REST: variants seen among roughly 807,000 people sequenced by gnomAD.
REST encodes RE1-silencing transcription factor.
In REST, 1 loss-of-function variant was observed where a neutral mutation model predicts 30.4. The ratio of observed to expected loss-of-function variants is 0.03; its 90% confidence interval spans 0.01 to 0.16. The LOEUF (loss-of-function observed/expected upper bound fraction) is 0.16. Ranked by LOEUF, REST falls within the 10% of genes least tolerant of loss-of-function variation. REST has a pLI of 1.00. For missense variants in REST, 1,259 were observed against 1,329.5 expected (o/e 0.95, Z 0.82); for synonymous variants, 504 against 451.1 (o/e 1.12, Z -1.49).
intron 2 of REST, among the ~76,000 whole-genome samples, chr4:56,916,556 G>A (rs1578493657): frequency 6.6e-6 from 1 of 152,166 alleles, no homozygotes; most frequent in East Asian, 1.9e-4. Flanking sequence ...AGAATCACTT[G>A]AACCCAAGAG....
At position 56,929,967 on chromosome 4, in the gene REST, C is replaced by G; in HGVS notation, c.1109C>G (p.Thr370Arg). The change falls in exon 4 of 4, where the codon ACA becomes AGA. Residue 370 changes from threonine (T) to arginine (R), a missense_variant. By Grantham distance (71) the Thr-to-Arg change is moderately conservative. Around this residue, in one of 5 missense-constraint regions of REST, gnomAD observed 125 missense variants for 255.4 expected, o/e 0.49. Transcript: ENST00000309042. Reference sequence around the variant, plus strand: ...AATTGCCCACACTGTGATTACAAAACAGCAGATAGAAGCAACTTCAAAAAA... The same window carrying G: ...AATTGCCCACACTGTGATTACAAAAGAGCAGATAGAAGCAACTTCAAAAAA... ...PLNCPHCDYK[T>R]ADRSNFKKHV... 6.2e-7 allele frequency: 1 copy of G among 1,614,154 alleles called. No homozygotes were observed. Among genetic ancestry groups the G allele is most frequent in the Non-Finnish European group, 8.5e-7 (1 of 1,180,028 alleles).
At position 56,914,294 on chromosome 4, in the gene REST, G is replaced by A. The variant is rs1443252539; in HGVS notation, c.898+2758G>A. Among the ~76,000 whole-genome samples the A allele has an allele frequency of 2.0e-5, 3 of 152,026 alleles. No individual in the cohort carries two copies. In the East Asian group the frequency reaches 5.8e-4, roughly 29 times the overall value. On this transcript the variant is annotated intron_variant, in intron 2 of 3. Transcript: ENST00000309042. The stretch of plus-strand genomic sequence containing the variant: ...TCCCAGATACTTAAAACTATTAACT[G>A]GCAGGCTTAAACAATAAAACTTGCA...
In REST at chr4:56,930,645, C is replaced by T. The variant is rs372976455; in HGVS notation, c.1787C>T (p.Pro596Leu). The T allele has an allele frequency of 6.2e-7, 1 of 1,613,572 alleles. No individual in the cohort carries two copies. Among genetic ancestry groups the T allele is most frequent in the Non-Finnish European group, 8.5e-7 (1 of 1,179,930 alleles). The stretch of plus-strand genomic sequence containing the variant: ...TCAAGTAAGAAAAGCAGTAAGCCTC[C>T]TCAGAAGGAACCTGTTGAGAAGGGA... ...NKSSKKSSKP[P>L]QKEPVEKGSA... is the part of the protein sequence containing the mutation. Residue 596 changes from proline (P) to leucine (L), a missense_variant, in exon 4 of 4, where the codon CCT (proline) becomes CTT (leucine). Coordinates refer to ENST00000309042, the MANE Select transcript of REST (RefSeq NM_005612.5).
intron 3 of REST, among the ~76,000 whole-genome samples, chr4:56,927,314 G>C (rs916926438): frequency 6.6e-6 from 1 of 152,166 alleles, no homozygotes; most frequent in African/African-American, 2.4e-5. Flanking sequence ...GAGAGAACCA[G>C]GTATAGAGTA....
At position 56,911,400 on chromosome 4, in the gene REST, A is replaced by G. The variant is rs1719903360; in HGVS notation, c.762A>G (p.Thr254=). 2 of 1,614,248 alleles carry G rather than the reference A, an allele frequency of 1.2e-6. No individual in the cohort carries two copies. The highest frequency in any genetic ancestry group is 1.1e-5 in the South Asian group (1 of 91,086). ...GAGTCTACAAGTGTATCATTTGCAC[A>G]TACACAACAGTGAGCGAGTATCACT... The part of the protein sequence containing the change: ...NERVYKCIIC[T]YTTVSEYHWR... Residue 254 remains threonine (T), a synonymous_variant, in exon 2 of 4, where the codon ACA becomes ACG. Transcript: ENST00000309042.
At chr4:56,928,040 G>A (rs1410180170) in intron 3 of REST, among the ~76,000 whole-genome samples, 1 of 152,216 alleles carries the variant, frequency 6.6e-6, no homozygotes, top group Non-Finnish European at 1.5e-5. Flanking sequence ...ATCGCCCAGA[G>A]TGAAAGATAT....
rs1171595017 is a variant in REST, at chr4:56,910,833, C to T, written c.195C>T (p.Tyr65=). 2 of 1,614,146 alleles carry T rather than the reference C, an allele frequency of 1.2e-6. No homozygotes were observed. Among genetic ancestry groups the T allele is most frequent in the Non-Finnish European group, 8.5e-7 (1 of 1,180,034 alleles). The change falls in exon 2 of 4, where the codon TAC becomes TAT. Residue 65 remains tyrosine, a synonymous_variant. Coordinates refer to ENST00000309042, the MANE Select transcript of REST (RefSeq NM_005612.5). The part of the protein sequence containing the change: ...TGEVNGSCCD[Y]LVGEERQMAE... ...AAGTAAATGGCAGCTGCTGTGATTA[C>T]CTGGTCGGTGAAGAAAGACAGATGG...
rs748334019 is a variant in REST at position 56,930,741 on chromosome 4, T to G, written c.1883T>G (p.Val628Gly). The change falls in exon 4 of 4, where the codon GTG becomes GGG. Residue 628 changes from valine (V) to glycine (G), a missense_variant. Around this residue, in one of 5 missense-constraint regions of REST, gnomAD observed 856 missense variants for 772.8 expected, o/e 1.11. Transcript: ENST00000309042. ...TEAVQKGPVQ[V>G]EPPPPMEHAQ... is the part of the protein sequence containing the mutation. Reference sequence around the variant, plus strand: ...GCGGTTCAGAAGGGGCCCGTTCAGGTGGAGCCGCCACCTCCCATGGAGCAT... The same window carrying G: ...GCGGTTCAGAAGGGGCCCGTTCAGGGGGAGCCGCCACCTCCCATGGAGCAT... The G allele has an allele frequency of 2.5e-6, 4 of 1,601,024 alleles. No individual in the cohort carries two copies. In the Admixed American group the frequency reaches 7.1e-5, roughly 29 times the overall value.
chr4:56,929,225 G>A (rs1720853707), intron 3 of REST, among the ~76,000 whole-genome samples: 1 of 151,984 alleles, frequency 6.6e-6, no homozygotes, highest in Non-Finnish European at 1.5e-5. Flanking sequence ...GCAACACCAC[G>A]CCCAGCTAAT....
At position 56,910,841 on chromosome 4, in the gene REST, G is replaced by T; in HGVS notation, c.203G>T (p.Gly68Val). The T allele has an allele frequency of 1.2e-6, 2 of 1,614,174 alleles. No homozygotes were observed. Among genetic ancestry groups the T allele is most frequent in the Non-Finnish European group, 1.7e-6 (2 of 1,180,030 alleles). The change falls in exon 2 of 4, where the codon GGT becomes GTT. Residue 68 changes from glycine to valine, a missense_variant. Coordinates refer to ENST00000309042, the MANE Select transcript of REST (RefSeq NM_005612.5). ...GGCAGCTGCTGTGATTACCTGGTCG[G>T]TGAAGAAAGACAGATGGCAGAACTG... ...VNGSCCDYLV[G>V]EERQMAELMP...
intron 3 of REST, among the ~76,000 whole-genome samples, chr4:56,924,231 A>G (rs1720578796): frequency 6.6e-6 from 1 of 152,194 alleles, no homozygotes; most frequent in Admixed American, 6.5e-5. Flanking sequence ...TGTTTGAAAG[A>G]TATTGTGATG....
chr4:56,915,926 C>G (rs1720174472), intron 2 of REST, among the ~76,000 whole-genome samples: 1 of 152,142 alleles, frequency 6.6e-6, no homozygotes, highest in African/African-American at 2.4e-5. Flanking sequence ...AGTGATGTTC[C>G]CAAGGTCATA....
chr4:56,909,115 T>G (rs998134873), intron 1 of REST: 15 of 152,296 alleles, frequency 9.8e-5, no homozygotes, highest in African/African-American at 3.6e-4. Context: ...GAGGACTGGT[T>G]CCGGCCAAAC....
chr4:56,931,838 C>A lies in REST; in HGVS notation c.2980C>A (p.Pro994Thr). Residue 994 changes from proline to threonine, a missense_variant, in exon 4 of 4, where the codon CCT becomes ACT. Pro to Thr is a conservative substitution (Grantham distance 38, BLOSUM62 -1). Coordinates refer to ENST00000309042, the MANE Select transcript of REST (RefSeq NM_005612.5). Reference protein sequence around the residue: ...AVSKTALASPPATMAANESQE... With the variant: ...AVSKTALASPTATMAANESQE... Reference sequence around the variant, plus strand: ...GTCCAAAACTGCACTGGCATCACCTCCTGCTACAATGGCAGCAAATGAGTC... The same window carrying A: ...GTCCAAAACTGCACTGGCATCACCTACTGCTACAATGGCAGCAAATGAGTC... 6.2e-7 allele frequency: 1 copy of A among 1,614,194 alleles called. No individual in the cohort carries two copies. The highest frequency in any genetic ancestry group is 8.5e-7 in the Non-Finnish European group (1 of 1,180,026).
chr4:56,923,603 C>T (rs1720548908), intron 3 of REST, among the ~76,000 whole-genome samples: 1 of 152,112 alleles, frequency 6.6e-6, no homozygotes. Context: ...CGCCACCATG[C>T]CTGGCTGATT....
chr4:56,917,398 C>T (rs1261266001), intron 2 of REST, among the ~76,000 whole-genome samples: 4 of 152,182 alleles, frequency 2.6e-5, no homozygotes, highest in South Asian at 4.1e-4. Context: ...GGTCACGGCT[C>T]ACTGAAGCCT....
At position 56,921,703 on chromosome 4, in the gene REST, C is replaced by T. The variant is rs1340350671; in HGVS notation, c.982+1833C>T. ...GGGATTACAGGTGTGAGCCACCGCGCCCGGCCACAGATTTCAAACAATGTG... is the reference window on the plus strand; with the variant it reads ...GGGATTACAGGTGTGAGCCACCGCGTCCGGCCACAGATTTCAAACAATGTG... On this transcript the variant is annotated intron_variant, in intron 3 of 3. Coordinates refer to ENST00000309042, the MANE Select transcript of REST (RefSeq NM_005612.5). 2.0e-5 allele frequency among the ~76,000 whole-genome samples: 3 copies of T among 152,178 alleles called. No homozygotes were observed. The South Asian group carries it at 6.2e-4, about 31-fold the overall frequency.
intron 3 of REST, among the ~76,000 whole-genome samples, chr4:56,924,440 A>G: frequency 6.6e-6 from 1 of 152,104 alleles, no homozygotes; most frequent in Non-Finnish European, 1.5e-5. Context: ...CCTGGATGAT[A>G]TTCTGTCTCC....
chr4:56,909,305 G>A (rs902047404), intron 1 of REST: 1 of 152,318 alleles, frequency 6.6e-6, no homozygotes, highest in Non-Finnish European at 1.5e-5. Flanking sequence ...TTGGTATTTT[G>A]AGAAAATGGC....
Sources: allele counts gnomAD v4.1 joint callset (sites outside exome capture counted in the v4.1 genomes callset), GRCh38; gene constraint gnomAD v4.1.1; regional missense constraint gnomAD v4.1.1; transcripts MANE v1.5; gene names NCBI Gene and HGNC (gene_info 2026-07-23, HGNC 2026-07-21).